DPY19L3: variants seen among roughly 807,000 people sequenced by gnomAD.
The protein encoded by DPY19L3 is protein C-mannosyl-transferase DPY19L3.
DPY19L3 carries 51 observed loss-of-function variants against 92.3 expected under a neutral mutation model. The ratio of observed to expected loss-of-function variants is 0.55; its 90% CI spans 0.44 to 0.70. The LOEUF (loss-of-function observed/expected upper bound fraction) is 0.70, where lower values mean the gene tolerates loss of function less well. Ranked by LOEUF, DPY19L3 falls within the 30% of genes least tolerant of loss-of-function variation. The probability of loss-of-function intolerance (pLI) is 0.00; values close to 1 mark genes in which losing one functional copy is unlikely to be tolerated. For missense variants in DPY19L3, 706 were observed against 855.9 expected, an observed-to-expected ratio of 0.82 and a Z score of 2.18; for synonymous variants, 309 against 315.2, an observed-to-expected ratio of 0.98 and a Z score of 0.21.
chr19:32,448,127 T>C (rs1039885681), intron 8 of DPY19L3, among the ~76,000 whole-genome samples: 4 of 152,110 alleles, frequency 2.6e-5, no homozygotes, highest in Admixed American at 6.5e-5. Context: ...TAAAACAAAG[T>C]TTTGAGCCTC....
chr19:32,423,402 ATTTTTTTT>A (rs71176123), intron 3 of DPY19L3, among the ~76,000 whole-genome samples: 1 of 82,228 alleles, frequency 1.2e-5, no homozygotes, highest in Admixed American at 1.2e-4. Context: ...TGCCCAGCTA[ATTTTTTTT>A]TTTTTTTTTT....
At chr19:32,431,338 A>G (rs1968959400) in intron 3 of DPY19L3, among the ~76,000 whole-genome samples, 1 of 151,160 alleles carries the variant, frequency 6.6e-6, no homozygotes, top group African/African-American at 2.4e-5. Context: ...AGATCGCACC[A>G]TTGCACTCCA....
At chr19:32,406,706 A>G (rs2092697529) in intron 1 of DPY19L3, among the ~76,000 whole-genome samples, 2 of 152,180 alleles carry the variant, frequency 1.3e-5, no homozygotes, top group South Asian at 2.1e-4. Context: ...GTTGTTTACA[A>G]TGGCATTCCT....
Position 32,453,283 on chromosome 19 carries a change from C to CT in DPY19L3, c.987+16dup, listed in dbSNP as rs745375585. 7.1e-5 allele frequency: 112 copies of CT among 1,577,076 alleles called. No individual in the cohort carries two copies. Among genetic ancestry groups the CT allele is most frequent in the Admixed American group, 3.0e-4 (16 of 52,966 alleles). On this transcript the variant is annotated splice_region_variant and intron_variant, in intron 9 of 18. Coordinates refer to ENST00000392250, the MANE Select transcript of DPY19L3 (RefSeq NM_001172774.2). ...CATTGCAAGAAAACTTCAGGTAGGACTTTTTTTTTGTCCTTTATCAAAGTA... is the reference window on the plus strand; with the variant it reads ...CATTGCAAGAAAACTTCAGGTAGGACTTTTTTTTTTGTCCTTTATCAAAGTA...
chr19:32,422,469 G>C (rs898041387), intron 3 of DPY19L3, among the ~76,000 whole-genome samples: 1 of 152,164 alleles, frequency 6.6e-6, no homozygotes, highest in Non-Finnish European at 1.5e-5. Context: ...AGAATGTACA[G>C]AAAGAGCAAT....
At chr19:32,481,441 G>T (rs1022835034) in intron 18 of DPY19L3, 1 of 151,956 alleles carries the variant, frequency 6.6e-6, no homozygotes, top group Admixed American at 6.6e-5. Flanking sequence ...TAGAGACAGG[G>T]TCTCACTCTG....
chr19:32,454,528 T>C (rs549524168), intron 9 of DPY19L3, among the ~76,000 whole-genome samples: 1 of 152,172 alleles, frequency 6.6e-6, no homozygotes, highest in East Asian at 1.9e-4. Flanking sequence ...GAGCGGAGAT[T>C]GCTCTGCTGC....
intron 3 of DPY19L3, among the ~76,000 whole-genome samples, chr19:32,415,689 C>T (rs1019709902): frequency 1.3e-5 from 2 of 152,154 alleles, no homozygotes; most frequent in African/African-American, 2.4e-5. Context: ...TAATCCAATT[C>T]AGTGGATTCA....
chr19:32,441,520 TG>T (rs1969324727), intron 8 of DPY19L3, among the ~76,000 whole-genome samples: 1 of 145,708 alleles, frequency 6.9e-6, no homozygotes, highest in Admixed American at 7.1e-5. Flanking sequence ...TTCTTTGAGA[TG>T]GAGTCTCACT....
chr19:32,431,498 TTTTA>T (rs766819994), intron 3 of DPY19L3, among the ~76,000 whole-genome samples: 5 of 152,214 alleles, frequency 3.3e-5, no homozygotes, highest in Admixed American at 6.5e-5. Flanking sequence ...GATTATAACT[TTTTA>T]TTTATTTATA....
In DPY19L3 at chr19:32,480,571, C is replaced by T. The variant is rs765473991; in HGVS notation, c.1989+14C>T. On this transcript the variant is annotated intron_variant, in intron 18 of 18. Coordinates refer to ENST00000392250, the MANE Select transcript of DPY19L3 (RefSeq NM_001172774.2). ...GCCAACGGCCACGTGAGCATGCTGC[C>T]TCTCCCTGTGTGGGGGTCTCCTGGA... 6 of 1,608,554 alleles carry T rather than the reference C, an allele frequency of 3.7e-6. No homozygotes were observed. The highest frequency in any genetic ancestry group is 5.1e-6 in the Non-Finnish European group (6 of 1,177,594).
intron 18 of DPY19L3, chr19:32,480,764 G>T: frequency 1.6e-6 from 1 of 641,450 alleles, no homozygotes; most frequent in South Asian, 2.0e-5. Flanking sequence ...GAGGTGAGAG[G>T]GGAGCCCTGG....
rs1970736065 is a variant in DPY19L3 at position 32,483,922 on chromosome 19, T to C, written c.*1682T>C. 6.6e-6 allele frequency: 1 copy of C among 152,670 alleles called. No individual in the cohort carries two copies. The highest frequency in any genetic ancestry group is 2.4e-5 in the African/African-American group (1 of 41,466). The allele number at this position is 152,670 out of a possible 1,614,324, so 9.5% of individuals were successfully genotyped here. A position where few individuals can be genotyped will look rare whatever the true frequency, so the allele number is the denominator to read the frequency against. On this transcript the variant is annotated 3_prime_UTR_variant, in exon 19 of 19. Transcript: ENST00000392250. The stretch of plus-strand genomic sequence containing the variant: ...TCCTTCAGCGAGTGCCTTACTCTAA[T>C]TGAAACCAAGCACACGTAAGGTACA...
chr19:32,476,590 A>T (rs1295773201), intron 16 of DPY19L3, among the ~76,000 whole-genome samples: 1 of 149,854 alleles, frequency 6.7e-6, no homozygotes, highest in Non-Finnish European at 1.5e-5. Flanking sequence ...CCTTTTTTCC[A>T]GGGAGGAAAA....
Position 32,480,475 on chromosome 19 carries a change from T to C in DPY19L3, c.1907T>C (p.Ile636Thr). 6.2e-7 allele frequency: 1 copy of C among 1,614,170 alleles called. No homozygotes were observed. The highest frequency in any genetic ancestry group is 8.5e-7 in the Non-Finnish European group (1 of 1,180,022). The change falls in exon 18 of 19, where the codon ATC becomes ACC. Residue 636 changes from isoleucine to threonine, a missense_variant. Ile to Thr is a moderately conservative substitution (Grantham distance 89). Transcript: ENST00000392250. ...AGGTCCTTCGGCACTGACTACGTAA[T>C]CCTGGAAGACAGCATCTGCTACGAG... ...LLRSFGTDYV[I>T]LEDSICYERR... is the part of the protein sequence containing the mutation.
intron 3 of DPY19L3, among the ~76,000 whole-genome samples, chr19:32,429,931 T>C (rs777895045): frequency 6.6e-6 from 1 of 152,084 alleles, no homozygotes; most frequent in Non-Finnish European, 1.5e-5. Context: ...TCAAAAGCAA[T>C]AGAGCACGTT....
Position 32,408,238 on chromosome 19 carries a change from A to G in DPY19L3, c.-16A>G, listed in dbSNP as rs757087755. 1 of 1,590,920 alleles carries G rather than the reference A, an allele frequency of 6.3e-7. No individual in the cohort carries two copies. The highest frequency in any genetic ancestry group is 2.2e-5 in the East Asian group (1 of 44,768). On this transcript the variant is annotated 5_prime_UTR_variant, in exon 2 of 19. It removes an upstream start codon present in the reference 5' UTR. Coordinates refer to ENST00000392250, the MANE Select transcript of DPY19L3 (RefSeq NM_001172774.2). ...CTAGGAGTGATTTGGAGAACAATGC[A>G]TGTAAGTCTGACATCATGATGTCCA...
At chr19:32,411,422 T>C in intron 3 of DPY19L3, 50 bp downstream of exon 3, 1 of 1,601,982 alleles carries the variant, frequency 6.2e-7, no homozygotes, top group Non-Finnish European at 8.5e-7. Flanking sequence ...GGATCTCCAG[T>C]AGTAAGCCAT....
intron 8 of DPY19L3, among the ~76,000 whole-genome samples, chr19:32,440,316 T>C (rs1160227050): frequency 2.0e-5 from 3 of 152,206 alleles, no homozygotes; most frequent in African/African-American, 4.8e-5. Context: ...TTAACTAATA[T>C]GGGATGTGAA....
Sources: gnomAD v4.1 joint callset for allele counts (sites outside exome capture counted in the v4.1 genomes callset) on GRCh38, gnomAD v4.1.1 for gene constraint, MANE v1.5 for transcripts, NCBI Gene and HGNC (gene_info 2026-07-23, HGNC 2026-07-21) for gene names.